The following ASB11 variants were observed in gnomAD, a reference collection of about 807,000 sequenced individuals.
ASB11 encodes the protein ankyrin repeat and SOCS box protein 11.
ASB11 carries 17 observed loss-of-function variants against 20.1 expected under a neutral mutation model. The ratio of observed to expected loss-of-function variants is 0.85; its 90% confidence interval spans 0.58 to 1.27. The LOEUF (loss-of-function observed/expected upper bound fraction) is 1.27, where lower values mean the gene tolerates loss of function less well. ASB11 is among the 50% of genes most tolerant of loss of function. The probability of loss-of-function intolerance (pLI) is 0.00; values close to 1 mark genes in which losing one functional copy is unlikely to be tolerated. For synonymous variants in ASB11, 107 were observed against 105.6 expected, an observed-to-expected ratio of 1.01 and a Z score of -0.08; for missense variants, 259 against 256.9, an observed-to-expected ratio of 1.01 and a Z score of -0.06.
chrX:15,298,171 G>A (rs763072464), intron 2 of ASB11, among the ~76,000 whole-genome samples: 1 of 112,025 alleles, frequency 8.9e-6, no homozygotes, highest in Non-Finnish European at 1.9e-5. Flanking sequence ...ATTAGTTTGG[G>A]AGCATAGGAT....
chrX:15,312,418 A>AC (rs1921459672), intron 1 of ASB11, among the ~76,000 whole-genome samples: 1 of 32,617 alleles, frequency 3.1e-5, no homozygotes, highest in African/African-American at 1.9e-4. Flanking sequence ...CCCACTGCAC[A>AC]AAAAAAAAAA....
At chrX:15,306,694 CTT>C (rs1921258199) in intron 1 of ASB11, among the ~76,000 whole-genome samples, 1 of 109,393 alleles carries the variant, frequency 9.1e-6, no homozygotes, top group South Asian at 3.9e-4. Flanking sequence ...CACAGTGACA[CTT>C]TGTCTCAAAC....
intron 2 of ASB11, among the ~76,000 whole-genome samples, chrX:15,301,684 C>A (rs1921073555): frequency 8.9e-6 from 1 of 111,884 alleles, no homozygotes; most frequent in African/African-American, 3.3e-5. Flanking sequence ...ACATACAAAG[C>A]AAATGGAGCC....
intron 6 of ASB11, among the ~76,000 whole-genome samples, chrX:15,284,085 C>CCT (rs1569167753): frequency 9.6e-6 from 1 of 103,891 alleles, no homozygotes; most frequent in Non-Finnish European, 1.9e-5. Context: ...ACCCCGTGTC[C>CCT]ACTAAAAATA....
intron 6 of ASB11, among the ~76,000 whole-genome samples, chrX:15,283,983 T>C (rs1406172035): frequency 9.0e-6 from 1 of 111,138 alleles, no homozygotes; most frequent in African/African-American, 3.3e-5. Context: ...CCAGGCACGG[T>C]GGCTCACGCC....
intron 6 of ASB11, among the ~76,000 whole-genome samples, chrX:15,285,598 G>C (rs763349161): frequency 8.9e-6 from 1 of 112,207 alleles, no homozygotes; most frequent in Non-Finnish European, 1.9e-5. Context: ...TATAGTCTCT[G>C]CTAACAGTTG....
At chrX:15,284,196 G>A (rs766529169) in intron 6 of ASB11, among the ~76,000 whole-genome samples, 6 of 103,169 alleles carry the variant, frequency 5.8e-5, no homozygotes, top group Non-Finnish European at 7.8e-5. Flanking sequence ...AGCTTGCAGT[G>A]AGCCGAGATC....
chrX:15,296,744 T>C (rs1431889738), intron 3 of ASB11, among the ~76,000 whole-genome samples: 1 of 112,311 alleles, frequency 8.9e-6, no homozygotes, highest in African/African-American at 3.2e-5. Context: ...AAAATCTTGT[T>C]ATTAAGCCTC....
At chrX:15,285,762 G>C (rs1043560443) in intron 6 of ASB11, among the ~76,000 whole-genome samples, 6 of 110,408 alleles carry the variant, frequency 5.4e-5, no homozygotes, top group Admixed American at 9.7e-5. Flanking sequence ...CCTGCACTTT[G>C]GGAGGCTGAG....
intron 1 of ASB11, among the ~76,000 whole-genome samples, chrX:15,308,223 A>AC (rs771879437): frequency 2.7e-4 from 30 of 111,840 alleles, no homozygotes; most frequent in Non-Finnish European, 5.7e-4. Flanking sequence ...TGGGGCTTAC[A>AC]CCCATGTACC....
intron 4 of ASB11, among the ~76,000 whole-genome samples, chrX:15,291,280 C>T: frequency 9.0e-6 from 1 of 111,101 alleles, no homozygotes; most frequent in Non-Finnish European, 1.9e-5. Flanking sequence ...ACATAGATAC[C>T]AAAAGCTCCA....
At chrX:15,291,752 T>C (rs376664949) in intron 4 of ASB11, among the ~76,000 whole-genome samples, 76 of 107,597 alleles carry the variant, frequency 7.1e-4, no homozygotes, top group African/African-American at 2.4e-3. Context: ...AAAAGACTTA[T>C]ATGGCTGAGC....
intron 5 of ASB11, 138 bp downstream of exon 5, chrX:15,289,366 A>G (rs910282235): frequency 3.1e-6 from 2 of 635,336 alleles, no homozygotes; most frequent in Admixed American, 7.3e-5. Context: ...TCATTTCTCT[A>G]GAGAAGTTTT....
chrX:15,296,050 TC>T (rs1920962034), intron 3 of ASB11, among the ~76,000 whole-genome samples: 1 of 112,054 alleles, frequency 8.9e-6, no homozygotes. Flanking sequence ...GAAACCAGCA[TC>T]GCTGGTTTCA....
At chrX:15,285,742 G>A (rs1447007678) in intron 6 of ASB11, among the ~76,000 whole-genome samples, 2 of 110,375 alleles carry the variant, frequency 1.8e-5, no homozygotes, top group East Asian at 5.8e-4. Flanking sequence ...GGTGGCTCAC[G>A]CCTGAAATCC....
chrX:15,311,224 G>C (rs984464996), intron 1 of ASB11, among the ~76,000 whole-genome samples: 3 of 112,558 alleles, frequency 2.7e-5, no homozygotes, highest in Non-Finnish European at 5.6e-5. Context: ...CAGTCCTAGA[G>C]AGGAGATGAG....
intron 1 of ASB11, among the ~76,000 whole-genome samples, chrX:15,303,845 G>C (rs891075385): frequency 1.8e-5 from 2 of 112,317 alleles, no homozygotes; most frequent in African/African-American, 6.5e-5. Context: ...TAATAAGTAG[G>C]CACAGTAGAG....
intron 6 of ASB11, among the ~76,000 whole-genome samples, chrX:15,285,766 G>C (rs762985880): frequency 2.1e-3 from 230 of 110,435 alleles, no homozygotes; most frequent in African/African-American, 7.2e-3. Context: ...CACTTTGGGA[G>C]GCTGAGGCGG....
intron 1 of ASB11, among the ~76,000 whole-genome samples, chrX:15,305,443 C>T (rs1263956079): frequency 9.0e-6 from 1 of 111,568 alleles, no homozygotes; most frequent in Non-Finnish European, 1.9e-5. Flanking sequence ...GGCAAGACAC[C>T]TGATCCTTTT....
Sources: allele counts gnomAD v4.1 joint callset (sites outside exome capture counted in the v4.1 genomes callset), GRCh38; gene constraint gnomAD v4.1.1; transcripts MANE v1.5; gene names NCBI Gene and HGNC (gene_info 2026-07-23, HGNC 2026-07-21).